The following MINDY4B variants were observed in gnomAD, a reference collection of about 807,000 sequenced individuals.
MINDY4B encodes inactive ubiquitin carboxyl-terminal hydrolase MINDY-4B.
In MINDY4B, 25 loss-of-function variants were observed where a neutral mutation model predicts 16.7. The ratio of observed to expected loss-of-function variants is 1.49; its 90% CI spans 1.09 to 2.09. MINDY4B has a LOEUF of 2.09. MINDY4B is among the 30% of genes most tolerant of loss of function. MINDY4B has a pLI of 0.00. For missense variants in MINDY4B, 327 were observed against 168.4 expected, an observed-to-expected ratio of 1.94 and a Z score of -5.21; for synonymous variants, 132 against 61.9, an observed-to-expected ratio of 2.13 and a Z score of -5.32.
intron 8 of MINDY4B, among the ~76,000 whole-genome samples, chr3:150,884,130 G>T (rs922893499): frequency 6.6e-6 from 1 of 152,226 alleles, no homozygotes; most frequent in African/African-American, 2.4e-5. Flanking sequence ...GCAGAGTGCT[G>T]GTTCAAGGCA....
chr3:150,902,995 C>G (rs1712153142), intron 3 of MINDY4B, among the ~76,000 whole-genome samples: 1 of 152,198 alleles, frequency 6.6e-6, no homozygotes, highest in Admixed American at 6.5e-5. Context: ...CTCACTCCCT[C>G]AAATTTCACT....
At position 150,894,234 on chromosome 3, in the gene MINDY4B, C is replaced by T; in HGVS notation, c.381G>A (p.Arg127=). The T allele has an allele frequency of 1.4e-6, 1 of 702,100 alleles. No individual in the cohort carries two copies. The highest frequency in any genetic ancestry group is 2.6e-6 in the Non-Finnish European group (1 of 384,642). The allele number at this position is 702,100 out of a possible 1,614,324, so 43.5% of individuals were successfully genotyped here. Residue 127 remains arginine (R), a synonymous_variant, in exon 4 of 12, where the codon AGG becomes AGA. Transcript: ENST00000465419. Reference sequence around the variant, plus strand: ...CTAGTTCAGAAGAAGGATCATGGAACCTGAAATAGGCCTTTTTCCAGTTAT... The same window carrying T: ...CTAGTTCAGAAGAAGGATCATGGAATCTGAAATAGGCCTTTTTCCAGTTAT... ...FSYNWKKAYF[R]FHDPSSELAF...
intron 7 of MINDY4B, among the ~76,000 whole-genome samples, chr3:150,886,844 C>T (rs2107902223): frequency 6.6e-6 from 1 of 152,288 alleles, no homozygotes; most frequent in South Asian, 2.1e-4. Context: ...ATGTCCCCCA[C>T]CCACTCTCAA....
chr3:150,899,598 G>A (rs758250096), intron 3 of MINDY4B, among the ~76,000 whole-genome samples: 2 of 152,052 alleles, frequency 1.3e-5, no homozygotes, highest in East Asian at 3.9e-4. Flanking sequence ...TTCCTTTCAG[G>A]GCTCCCCATT....
rs190430987 is a variant in MINDY4B, at chr3:150,871,205, A to G, written c.1241-18T>C. The G allele has an allele frequency of 2.8e-6, 2 of 701,818 alleles. No individual in the cohort carries two copies. The highest frequency in any genetic ancestry group is 2.7e-5 in the East Asian group (1 of 37,274). The allele number at this position is 701,818 out of a possible 1,614,324, so 43.5% of individuals were successfully genotyped here. On this transcript the variant is annotated intron_variant, in intron 11 of 11. Coordinates refer to ENST00000465419, the MANE Select transcript of MINDY4B (RefSeq NM_001351281.2). ...GTGAGTATCTGAAGAAGGAATAGCCAGCATTTAGACCCAAGCCTATGAACA... is the reference window on the plus strand; with the variant it reads ...GTGAGTATCTGAAGAAGGAATAGCCGGCATTTAGACCCAAGCCTATGAACA...
intron 10 of MINDY4B, among the ~76,000 whole-genome samples, chr3:150,880,006 T>C (rs959344078): frequency 3.9e-5 from 6 of 152,266 alleles, no homozygotes; most frequent in African/African-American, 1.4e-4. Context: ...CTTGTTATCT[T>C]CTATTATAAA....
chr3:150,888,344 T>C (rs1334477704), intron 7 of MINDY4B, among the ~76,000 whole-genome samples: 2 of 152,134 alleles, frequency 1.3e-5, no homozygotes, highest in Non-Finnish European at 2.9e-5. Context: ...CATCTCAACT[T>C]GATTACATCT....
At chr3:150,882,564 G>GTATATATATATATATATATATATA (rs59302082) in intron 10 of MINDY4B, among the ~76,000 whole-genome samples, 5 of 148,012 alleles carry the variant, frequency 3.4e-5, no homozygotes, top group African/African-American at 1.2e-4. Flanking sequence ...GTGTATGTGT[G>GTATATATATATATATATATATATA]TATATATATA....
intron 7 of MINDY4B, among the ~76,000 whole-genome samples, chr3:150,889,877 G>T (rs1435854590): frequency 6.6e-6 from 1 of 152,216 alleles, no homozygotes; most frequent in Admixed American, 6.5e-5. Context: ...GCATTGTGTG[G>T]AAGGTGCTGA....
Position 150,905,398 on chromosome 3 carries a change from CT to C in MINDY4B, c.41del (p.Gln14ArgfsTer4), listed in dbSNP as rs893277569. The C allele has an allele frequency of 2.5e-6, 1 of 398,392 alleles. No individual in the cohort carries two copies. Among genetic ancestry groups the C allele is most frequent in the Non-Finnish European group, 4.4e-6 (1 of 225,992 alleles). The allele number at this position is 398,392 out of a possible 1,614,324, so 24.7% of individuals were successfully genotyped here. A position where few individuals can be genotyped will look rare whatever the true frequency, so the allele number is the denominator to read the frequency against. ...EVLGQEQSSE[Q>X]LDLEEISRKI... ...TCCTTGAGATCTCCTCTAAATCCAG[CT>C]GTTCGGAGCTTTGTTCCTGGCCCAA... is the stretch of plus-strand genomic sequence containing the variant. On this transcript the variant is annotated frameshift_variant, in exon 1 of 12. Coordinates refer to ENST00000465419, the MANE Select transcript of MINDY4B (RefSeq NM_001351281.2). LOFTEE classifies it high-confidence loss of function.
At chr3:150,903,899 A>G (rs1016596149) in intron 2 of MINDY4B, among the ~76,000 whole-genome samples, 1 of 151,956 alleles carries the variant, frequency 6.6e-6, no homozygotes, top group African/African-American at 2.4e-5. Context: ...CTTAAAAAAA[A>G]TCCACCGTCT....
At chr3:150,891,333 G>C (rs748777993) in intron 5 of MINDY4B, among the ~76,000 whole-genome samples, 51 of 152,210 alleles carry the variant, frequency 3.4e-4, no homozygotes, top group Non-Finnish European at 1.2e-4. Context: ...CACAGTGGGA[G>C]ACCTTTACTC....
Position 150,903,318 on chromosome 3 carries a change from A to G in MINDY4B, c.240T>C (p.Cys80=), listed in dbSNP as rs1480365971. Residue 80 remains cysteine (C), a synonymous_variant, in exon 3 of 12, where the codon TGT becomes TGC. Coordinates refer to ENST00000465419, the MANE Select transcript of MINDY4B (RefSeq NM_001351281.2). Reference sequence around the variant, plus strand: ...AGATGATAGAGGGGTTGGGAATAGAACAAAGGCCACTTGATGGCAAATGTC... The same window carrying G: ...AGATGATAGAGGGGTTGGGAATAGAGCAAAGGCCACTTGATGGCAAATGTC... The part of the protein sequence containing the change: ...GQGHLPSSGL[C]SIPNPSIISS... The G allele has an allele frequency of 2.5e-6, 1 of 398,460 alleles. No individual in the cohort carries two copies. The highest frequency in any genetic ancestry group is 2.1e-5 in the African/African-American group (1 of 48,630). The allele number at this position is 398,460 out of a possible 1,614,324, so 24.7% of individuals were successfully genotyped here.
At chr3:150,899,226 T>C (rs1410463821) in intron 3 of MINDY4B, among the ~76,000 whole-genome samples, 5 of 152,224 alleles carry the variant, frequency 3.3e-5, no homozygotes, top group Non-Finnish European at 5.9e-5. Context: ...AAATGGCACA[T>C]GTAAGGTCAT....
At chr3:150,885,561 T>C in intron 7 of MINDY4B, 123 bp from the exon 8 acceptor site, 2 of 653,270 alleles carry the variant, frequency 3.1e-6, no homozygotes, top group Non-Finnish European at 5.5e-6. Flanking sequence ...CTGAAAGGAA[T>C]GAGCTCCTCT....
rs1437823452 is a variant in MINDY4B, at chr3:150,893,329, A to C, written c.516T>G (p.Leu172=). 4 of 702,784 alleles carry C rather than the reference A, an allele frequency of 5.7e-6. No homozygotes were observed. In the Admixed American group the frequency reaches 8.0e-5, roughly 14 times the overall value. 43.5% of individuals were successfully genotyped at this position (702,784 alleles called of 1,614,324 possible). A position where few individuals can be genotyped will look rare whatever the true frequency, so the allele number is the denominator to read the frequency against. The change falls in exon 5 of 12, where the codon CTT becomes CTG. Residue 172 remains leucine, a synonymous_variant. Transcript: ENST00000465419. ...LFTRKGKDCN[L]GNLCEISKKE... ...ACTTCTCACAGTCCTCTTACTTGCC[A>C]AGGTTACAGTCTTTTCCTTTCCTGG...
Position 150,885,435 on chromosome 3 carries a change from T to C in MINDY4B, c.757A>G (p.Arg253Gly), listed in dbSNP as rs138955976. Reference protein sequence around the residue: ...KFIYDHLLCFRGEGSHGVILF... With the variant: ...KFIYDHLLCFGGEGSHGVILF... ...ATGACACCATGGCTTCCTTCCCCTC[T>C]GAACTGTTCGGAAAAGAAAAGAAAA... The change falls in exon 8 of 12, where the codon AGA becomes GGA. Residue 253 changes from arginine (R) to glycine (G), a missense_variant. By Grantham distance (125) the Arg-to-Gly change is moderately radical. Coordinates refer to ENST00000465419, the MANE Select transcript of MINDY4B (RefSeq NM_001351281.2). 1 of 691,880 alleles carries C rather than the reference T, an allele frequency of 1.4e-6. No individual in the cohort carries two copies. Among genetic ancestry groups the C allele is most frequent in the African/African-American group, 1.9e-5 (1 of 52,294 alleles). The allele number at this position is 691,880 out of a possible 1,614,324, so 42.9% of individuals were successfully genotyped here. A position where few individuals can be genotyped will look rare whatever the true frequency, so the allele number is the denominator to read the frequency against.
intron 3 of MINDY4B, among the ~76,000 whole-genome samples, chr3:150,898,124 G>C (rs1267270514): frequency 6.6e-6 from 1 of 152,204 alleles, no homozygotes; most frequent in Admixed American, 6.5e-5. Flanking sequence ...ATGGCAAAGG[G>C]CTTTGGGAAC....
intron 5 of MINDY4B, 28 bp from the exon 6 acceptor site, chr3:150,891,131 A>G: frequency 2.9e-6 from 2 of 687,504 alleles, no homozygotes; most frequent in Middle Eastern, 2.5e-4. Flanking sequence ...GGAGTAGGAA[A>G]CCATTGGAAT....
Sources: gnomAD v4.1 joint callset for allele counts (sites outside exome capture counted in the v4.1 genomes callset) on GRCh38, gnomAD v4.1.1 for gene constraint, MANE v1.5 for transcripts, NCBI Gene and HGNC (gene_info 2026-07-23, HGNC 2026-07-21) for gene names.